The following PRUNE2 variants were observed in gnomAD, a reference collection of about 807,000 sequenced individuals.
PRUNE2 encodes protein prune homolog 2.
Under a neutral mutation model 252.0 loss-of-function variants are expected in PRUNE2, and 164 were observed. The ratio of observed to expected loss-of-function variants is 0.65; its 90% CI spans 0.57 to 0.74. PRUNE2 has a LOEUF of 0.74. Ranked by LOEUF, PRUNE2 falls within the 30% of genes least tolerant of loss-of-function variation. The pLI, the probability that PRUNE2 is intolerant of heterozygous loss-of-function variation, is 0.00. For synonymous variants in PRUNE2, 1,292 were observed against 1,350.2 expected (o/e 0.96, Z 0.94); for missense variants, 3,495 against 3,711.0 (o/e 0.94, Z 1.51).
intron 6 of PRUNE2, among the ~76,000 whole-genome samples, chr9:76,807,020 A>ATGTGTG (rs1554779764): frequency 0.035 from 4,888 of 140,414 alleles, 88 homozygotes; most frequent in African/African-American, 0.057. Flanking sequence ...ACCTCATACA[A>ATGTGTG]TGTGTGTGTG....
At chr9:76,676,411 G>A (rs1360120338) in intron 9 of PRUNE2, among the ~76,000 whole-genome samples, 2 of 151,678 alleles carry the variant, frequency 1.3e-5, no homozygotes, top group African/African-American at 2.4e-5. Context: ...TATTTAAGAC[G>A]TATCTAATGA....
intron 6 of PRUNE2, among the ~76,000 whole-genome samples, chr9:76,724,948 C>A (rs1390436182): frequency 6.6e-6 from 1 of 152,046 alleles, no homozygotes; most frequent in Non-Finnish European, 1.5e-5. Context: ...ATTAGCCATG[C>A]TCTATTTTTG....
At chr9:76,630,779 G>A (rs915141398) in intron 15 of PRUNE2, among the ~76,000 whole-genome samples, 4 of 152,210 alleles carry the variant, frequency 2.6e-5, no homozygotes, top group Admixed American at 2.6e-4. Flanking sequence ...GCCCGCCTCA[G>A]CCTCCCAAAG....
At chr9:76,774,468 T>TA (rs1564272983) in intron 6 of PRUNE2, among the ~76,000 whole-genome samples, 5 of 144,522 alleles carry the variant, frequency 3.5e-5, no homozygotes, top group African/African-American at 1.0e-4. Flanking sequence ...TTTTTTTTTT[T>TA]TTTTTTTTTG....
intron 1 of PRUNE2, among the ~76,000 whole-genome samples, chr9:76,864,454 CATAA>C (rs920542188): frequency 1.8e-4 from 26 of 147,394 alleles, no homozygotes; most frequent in African/African-American, 7.0e-4. Flanking sequence ...TAAAGAAATA[CATAA>C]ATAAATAAAT....
chr9:76,849,858 A>AAAAC (rs1767318317), intron 3 of PRUNE2, among the ~76,000 whole-genome samples: 5 of 139,014 alleles, frequency 3.6e-5, no homozygotes, highest in Admixed American at 3.5e-4. Flanking sequence ...CAAAACAAAA[A>AAAAC]ACCCCCTATA....
intron 6 of PRUNE2, among the ~76,000 whole-genome samples, chr9:76,774,456 T>TTATTTATTTATTTATTTACTTA (rs1554761633): frequency 7.5e-6 from 1 of 133,814 alleles, no homozygotes; most frequent in South Asian, 2.5e-4. Context: ...AACCCTTTTT[T>TTATTTATTTATTTATTTACTTA]TTTTTTTTTT....
intron 9 of PRUNE2, among the ~76,000 whole-genome samples, chr9:76,700,426 A>G (rs1045736141): frequency 6.6e-6 from 1 of 152,014 alleles, no homozygotes; most frequent in Non-Finnish European, 1.5e-5. Context: ...CAGCTATCTC[A>G]TTGTTTTGCT....
At chr9:76,695,404 G>A (rs1247111419) in intron 9 of PRUNE2, among the ~76,000 whole-genome samples, 3 of 152,188 alleles carry the variant, frequency 2.0e-5, no homozygotes, top group Non-Finnish European at 2.9e-5. Context: ...GACCAAGAAG[G>A]AAAATTGAAC....
chr9:76,803,234 G>C (rs2056687749), intron 6 of PRUNE2, among the ~76,000 whole-genome samples: 2 of 152,190 alleles, frequency 1.3e-5, no homozygotes, highest in African/African-American at 4.8e-5. Flanking sequence ...GTGATACATT[G>C]CCTTGGTGCT....
intron 4 of PRUNE2, among the ~76,000 whole-genome samples, chr9:76,839,371 A>G (rs1025731268): frequency 6.6e-6 from 1 of 152,180 alleles, no homozygotes; most frequent in African/African-American, 2.4e-5. Context: ...AGGGAAGAGG[A>G]GGCTCCTGAT....
intron 9 of PRUNE2, among the ~76,000 whole-genome samples, chr9:76,677,899 C>T (rs1003100007): frequency 6.6e-6 from 1 of 152,120 alleles, no homozygotes; most frequent in Non-Finnish European, 1.5e-5. Context: ...CCACACCCCA[C>T]GAGGATTTGC....
At chr9:76,713,158 C>A (rs1564130914) in intron 7 of PRUNE2, among the ~76,000 whole-genome samples, 1 of 151,762 alleles carries the variant, frequency 6.6e-6, no homozygotes, top group Non-Finnish European at 1.5e-5. Flanking sequence ...AGTCAGAGTT[C>A]TGGTACCTGG....
At chr9:76,628,851 C>CT (rs10632629) in intron 16 of PRUNE2, among the ~76,000 whole-genome samples, 25,504 of 145,190 alleles carry the variant, frequency 0.18, 2,707 homozygotes, top group African/African-American at 0.3. Flanking sequence ...CAAACACACA[C>CT]TTTTTTTTTT....
chr9:76,778,975 T>G (rs2054087253), intron 6 of PRUNE2: 1 of 152,228 alleles, frequency 6.6e-6, no homozygotes. Context: ...TCCAGTTGGC[T>G]TCTTGGGTTT....
At chr9:76,642,001 T>TAAACAAAAAAAA in intron 12 of PRUNE2, 1 of 1,010,460 alleles carries the variant, frequency 9.9e-7, no homozygotes, top group Non-Finnish European at 1.4e-6. Context: ...ATAAGAGAAG[T>TAAACAAAAAAAA]AAAAAAAAAA....
At chr9:76,718,352 CCTT>C (rs1168573435) in intron 6 of PRUNE2, among the ~76,000 whole-genome samples, 4 of 152,168 alleles carry the variant, frequency 2.6e-5, no homozygotes, top group African/African-American at 9.7e-5. Flanking sequence ...CACATGCTCA[CCTT>C]CTGTTGTCTT....
At chr9:76,826,120 T>C (rs1313941463) in intron 5 of PRUNE2, among the ~76,000 whole-genome samples, 1 of 152,112 alleles carries the variant, frequency 6.6e-6, no homozygotes, top group Admixed American at 6.5e-5. Context: ...GGAGTCAACA[T>C]TATGTGCCTG....
intron 15 of PRUNE2, among the ~76,000 whole-genome samples, chr9:76,634,822 C>G (rs371014408): frequency 2.6e-5 from 4 of 152,156 alleles, no homozygotes; most frequent in African/African-American, 9.7e-5. Context: ...AAGCAAACAT[C>G]GATGAATCAG....
Sources: allele counts gnomAD v4.1 joint callset (sites outside exome capture counted in the v4.1 genomes callset), GRCh38; gene constraint gnomAD v4.1.1; transcripts MANE v1.5; gene names NCBI Gene and HGNC (gene_info 2026-07-23, HGNC 2026-07-21).